The following ENPEP variants were observed in gnomAD, a reference collection of about 807,000 sequenced individuals.
ENPEP encodes AP-A.
In ENPEP, 103 loss-of-function variants were observed where a neutral mutation model predicts 114.5. The observed-to-expected ratio is 0.90, with a 90% CI of 0.77 to 1.06. The LOEUF (loss-of-function observed/expected upper bound fraction) is 1.06, where lower values mean the gene tolerates loss of function less well. Ranked by LOEUF, ENPEP falls within the 50% of genes least tolerant of loss-of-function variation. ENPEP has a pLI of 0.00. For missense variants in ENPEP, 1,196 were observed against 1,161.3 expected (o/e 1.03, Z -0.43); for synonymous variants, 420 against 422.0 (o/e 1.00, Z 0.06).
At chr4:110,553,270 A>C (rs746859052) in intron 17 of ENPEP, 45 bp from the exon 18 acceptor site, 4 of 1,511,638 alleles carry the variant, frequency 2.6e-6, no homozygotes, top group Admixed American at 3.6e-5. Context: ...AAGGGTGAAC[A>C]TTAAAAGTTC....
At chr4:110,523,539 T>C (rs1004697345) in intron 10 of ENPEP, among the ~76,000 whole-genome samples, 1 of 152,164 alleles carries the variant, frequency 6.6e-6, no homozygotes, top group Non-Finnish European at 1.5e-5. Context: ...AATTGGACCA[T>C]GGTGTAAGAA....
chr4:110,491,559 C>A (rs917896461), intron 3 of ENPEP, among the ~76,000 whole-genome samples: 10 of 152,004 alleles, frequency 6.6e-5, no homozygotes, highest in Non-Finnish European at 1.5e-4. Context: ...GAACATCCTT[C>A]GAATGACAAG....
intron 8 of ENPEP, among the ~76,000 whole-genome samples, chr4:110,516,752 G>T (rs1159445762): frequency 6.6e-6 from 1 of 152,110 alleles, no homozygotes; most frequent in Non-Finnish European, 1.5e-5. Context: ...ATAAAGTCAA[G>T]ATTTCGGAAA....
At chr4:110,533,420 C>CAAAAAAAAAAAA (rs33956210) in intron 11 of ENPEP, 1 of 121,378 alleles carries the variant, frequency 8.2e-6, no homozygotes. Context: ...AGTGCTGGAG[C>CAAAAAAAAAAAA]AAAAAAAAAA....
chr4:110,513,622 G>A, intron 7 of ENPEP, 73 bp downstream of exon 7: 2 of 1,560,562 alleles, frequency 1.3e-6, no homozygotes, highest in Non-Finnish European at 1.7e-6. Flanking sequence ...ACCTAAAAAT[G>A]GTAAGAATGG....
intron 1 of ENPEP, among the ~76,000 whole-genome samples, chr4:110,480,543 C>G (rs573689004): frequency 6.6e-6 from 1 of 152,112 alleles, no homozygotes; most frequent in African/African-American, 2.4e-5. Flanking sequence ...CTGACCTTAA[C>G]GTAAAATGTA....
intron 7 of ENPEP, among the ~76,000 whole-genome samples, chr4:110,514,627 C>T (rs918640097): frequency 6.6e-6 from 1 of 151,956 alleles, no homozygotes; most frequent in Non-Finnish European, 1.5e-5. Context: ...GTTTCTAGGC[C>T]TTTAGCTTTC....
intron 6 of ENPEP, 194 bp from the exon 7 acceptor site, chr4:110,513,221 T>C: frequency 2.2e-6 from 1 of 459,326 alleles, no homozygotes; most frequent in Non-Finnish European, 3.5e-6. Context: ...TTAAAAGGAA[T>C]TAGAAGTAGA....
chr4:110,542,992 T>G, intron 12 of ENPEP, 23 bp from the exon 13 acceptor site: 1 of 1,612,466 alleles, frequency 6.2e-7, no homozygotes, highest in Non-Finnish European at 8.5e-7. Context: ...TGTGTTTTTA[T>G]CTCTCTTTCT....
chr4:110,480,206 A>G (rs1209625278), intron 1 of ENPEP, among the ~76,000 whole-genome samples: 1 of 152,260 alleles, frequency 6.6e-6, no homozygotes, highest in Non-Finnish European at 1.5e-5. Flanking sequence ...TGTACTGCAC[A>G]CACATGGTTT....
intron 3 of ENPEP, among the ~76,000 whole-genome samples, chr4:110,501,721 A>G (rs1261907270): frequency 1.3e-5 from 2 of 152,172 alleles, no homozygotes; most frequent in Non-Finnish European, 2.9e-5. Flanking sequence ...CGTCTTTGCT[A>G]CTGTGAATAG....
intron 3 of ENPEP, among the ~76,000 whole-genome samples, chr4:110,492,535 G>A (rs1019435557): frequency 1.3e-5 from 2 of 152,168 alleles, no homozygotes; most frequent in African/African-American, 2.4e-5. Context: ...AAATTATAGC[G>A]AGTGGGGGAT....
chr4:110,480,892 A>G (rs1578388540), intron 1 of ENPEP, among the ~76,000 whole-genome samples: 1 of 152,100 alleles, frequency 6.6e-6, no homozygotes, highest in African/African-American at 2.4e-5. Context: ...GAGGAAAACC[A>G]CTTGGAAGGA....
At chr4:110,524,747 A>G (rs920313517) in intron 10 of ENPEP, among the ~76,000 whole-genome samples, 3 of 152,092 alleles carry the variant, frequency 2.0e-5, no homozygotes, top group Non-Finnish European at 2.9e-5. Flanking sequence ...CTACTTTGCC[A>G]AATGTATTTA....
intron 11 of ENPEP, among the ~76,000 whole-genome samples, chr4:110,536,805 T>A: frequency 6.6e-6 from 1 of 152,162 alleles, no homozygotes; most frequent in Non-Finnish European, 1.5e-5. Flanking sequence ...GGGTTGCATT[T>A]TTCCAGTTTC....
intron 8 of ENPEP, chr4:110,518,906 C>T: frequency 3.0e-6 from 1 of 334,056 alleles, no homozygotes; most frequent in Non-Finnish European, 5.9e-6. Flanking sequence ...CAAAACACAG[C>T]TATGGTTATA....
chr4:110,542,757 C>T lies in ENPEP; in HGVS notation c.1814C>T (p.Thr605Ile). 3.7e-6 allele frequency: 6 copies of T among 1,611,904 alleles called. No individual in the cohort carries two copies. Among genetic ancestry groups the T allele is most frequent in the Non-Finnish European group, 4.2e-6 (5 of 1,178,684 alleles). Residue 605 changes from threonine (T) to isoleucine (I), a missense_variant, in exon 12 of 20, where the codon ACT becomes ATT. Physicochemically the swap from Thr to Ile is moderately conservative, Grantham distance 89 (BLOSUM62 -1). Coordinates refer to ENST00000265162, the MANE Select transcript of ENPEP (RefSeq NM_001977.4). ...LFNRSEKEGI[T>I]LNSSNPSGNA... Reference sequence around the variant, plus strand: ...TGTTTATTTACTACTACAGGAATCACTTTGAACTCCTCTAATCCTAGTGGA... The same window carrying T: ...TGTTTATTTACTACTACAGGAATCATTTTGAACTCCTCTAATCCTAGTGGA...
At chr4:110,542,485 G>A (rs1045649822) in intron 11 of ENPEP, among the ~76,000 whole-genome samples, 2 of 151,906 alleles carry the variant, frequency 1.3e-5, no homozygotes, top group Non-Finnish European at 2.9e-5. Context: ...CATTTGACAA[G>A]CTTCTGCCAG....
At chr4:110,529,727 C>T (rs1328695878) in intron 10 of ENPEP, among the ~76,000 whole-genome samples, 1 of 152,116 alleles carries the variant, frequency 6.6e-6, no homozygotes, top group Non-Finnish European at 1.5e-5. Flanking sequence ...GTCAGAGAGA[C>T]CCAGGTATTG....
Sources: allele counts gnomAD v4.1 joint callset (sites outside exome capture counted in the v4.1 genomes callset), GRCh38; gene constraint gnomAD v4.1.1; transcripts MANE v1.5; gene names NCBI Gene and HGNC (gene_info 2026-07-23, HGNC 2026-07-21).